PBX1: variants seen among roughly 807,000 people sequenced by gnomAD.
PBX1 encodes the protein PBX homeobox 1.
In PBX1, 6 loss-of-function variants were observed where a neutral mutation model predicts 53.4. That is an observed-to-expected ratio of 0.11 (90% CI 0.06 to 0.22). The LOEUF (loss-of-function observed/expected upper bound fraction) is 0.22. Among genes scored for constraint, PBX1 ranks in the 10% least tolerant of loss-of-function variants. PBX1 has a pLI of 1.00. For missense variants in PBX1, 251 were observed against 551.4 expected (o/e 0.46, Z 5.46); for synonymous variants, 204 against 212.3 (o/e 0.96, Z 0.34).
At chr1:164,802,870 A>ATT (rs80104203) in intron 4 of PBX1, among the ~76,000 whole-genome samples, 2 of 147,056 alleles carry the variant, frequency 1.4e-5, no homozygotes, top group South Asian at 2.2e-4. Flanking sequence ...TATAAATAAC[A>ATT]TTTTTTTTTT....
chr1:164,592,832 A>G (rs537434269), intron 2 of PBX1, among the ~76,000 whole-genome samples: 11 of 152,092 alleles, frequency 7.2e-5, no homozygotes, highest in Non-Finnish European at 1.6e-4. Context: ...GAGGATAAAG[A>G]CTGCCCCTGG....
chr1:164,881,791 G>T (rs1192388709), intron 2 of PBX1, among the ~76,000 whole-genome samples: 1 of 152,072 alleles, frequency 6.6e-6, no homozygotes, highest in Non-Finnish European at 1.5e-5. Flanking sequence ...GTTGAGATTT[G>T]GTCACATGGA....
At chr1:164,735,140 A>T (rs921110982) in intron 2 of PBX1, among the ~76,000 whole-genome samples, 2 of 152,208 alleles carry the variant, frequency 1.3e-5, no homozygotes, top group African/African-American at 2.4e-5. Flanking sequence ...TCATACTTTT[A>T]TCACCACAAT....
chr1:164,632,023 A>G (rs1658443460), intron 2 of PBX1, among the ~76,000 whole-genome samples: 1 of 152,172 alleles, frequency 6.6e-6, no homozygotes, highest in Non-Finnish European at 1.5e-5. Context: ...GCCACAAATC[A>G]CAGGCTGTTG....
At chr1:164,719,407 G>C (rs1664282722) in intron 2 of PBX1, among the ~76,000 whole-genome samples, 1 of 152,206 alleles carries the variant, frequency 6.6e-6, no homozygotes, top group African/African-American at 2.4e-5. Context: ...TGGACATCAG[G>C]AAGTGGTAGC....
chr1:164,662,945 G>T (rs565346354), intron 2 of PBX1, among the ~76,000 whole-genome samples: 1 of 152,080 alleles, frequency 6.6e-6, no homozygotes, highest in Admixed American at 6.5e-5. Context: ...TATTGTGAGG[G>T]TTATTATAAA....
chr1:164,712,279 C>T (rs1228057236), intron 2 of PBX1, among the ~76,000 whole-genome samples: 1 of 151,864 alleles, frequency 6.6e-6, no homozygotes, highest in Non-Finnish European at 1.5e-5. Context: ...AAGTGTCCGT[C>T]AGCGGCTATC....
Position 164,848,463 on chromosome 1 carries a change from T to A in PBX1, c.*1787T>A, listed in dbSNP as rs1671675665. ...GTAAATGCGAAGTCAGGGGAAGTAA[T>A]GTCCCTGAAATAAACGGGTTCATGC... On this transcript the variant is annotated 3_prime_UTR_variant, in exon 9 of 9. Coordinates refer to ENST00000420696, the MANE Select transcript of PBX1 (RefSeq NM_002585.4). The A allele has an allele frequency of 9.5e-7, 1 of 1,057,484 alleles. No individual in the cohort carries two copies. 65.5% of individuals were successfully genotyped at this position (1,057,484 alleles called of 1,614,324 possible). A position where few individuals can be genotyped will look rare whatever the true frequency, so the allele number is the denominator to read the frequency against.
intron 2 of PBX1, among the ~76,000 whole-genome samples, chr1:164,573,384 T>C (rs975628946): frequency 6.6e-6 from 1 of 152,016 alleles, no homozygotes; most frequent in East Asian, 1.9e-4. Flanking sequence ...TATTTCAATA[T>C]GTAATCAACA....
rs1287728400 is a variant in PBX1, at chr1:164,661,390, G to T, written c.265+98079G>T. Among the ~76,000 whole-genome samples, 3 of 151,290 alleles carry T rather than the reference G, an allele frequency of 2.0e-5. No homozygotes were observed. The East Asian group carries it at 5.8e-4, about 29-fold the overall frequency. On this transcript the variant is annotated intron_variant, in intron 2 of 8. Transcript: ENST00000420696. Reference sequence around the variant, plus strand: ...CCTCAGGGAAAGCCCTGATATTGTGGTCTAGGGATCACCAGCAATTTCACT... The same window carrying T: ...CCTCAGGGAAAGCCCTGATATTGTGTTCTAGGGATCACCAGCAATTTCACT...
chr1:164,681,767 TC>T (rs1335339072), intron 2 of PBX1, among the ~76,000 whole-genome samples: 1 of 151,960 alleles, frequency 6.6e-6, no homozygotes, highest in East Asian at 1.9e-4. Context: ...CATACACCCA[TC>T]CCCCATGACA....
chr1:164,779,765 T>C (rs6686727), intron 2 of PBX1, among the ~76,000 whole-genome samples: 82,818 of 151,832 alleles, frequency 0.55, 22,834 homozygotes, highest in South Asian at 0.61. Context: ...CAGAGTGGGG[T>C]TCAATGAAGT....
chr1:164,743,930 A>G (rs1172070736), intron 2 of PBX1, among the ~76,000 whole-genome samples: 1 of 152,202 alleles, frequency 6.6e-6, no homozygotes, highest in Admixed American at 6.5e-5. Flanking sequence ...AAGAAATGTA[A>G]TAATTTACCT....
At chr1:164,588,606 C>T (rs897572765) in intron 2 of PBX1, among the ~76,000 whole-genome samples, 1 of 151,042 alleles carries the variant, frequency 6.6e-6, no homozygotes, top group East Asian at 2.0e-4. Flanking sequence ...TTCCCCACCT[C>T]TGGTTCCTTC....
At chr1:164,771,957 T>C (rs1667395189) in intron 2 of PBX1, among the ~76,000 whole-genome samples, 1 of 152,102 alleles carries the variant, frequency 6.6e-6, no homozygotes, top group Non-Finnish European at 1.5e-5. Context: ...GAAACCGAGA[T>C]CTTTGTAAGG....
intron 2 of PBX1, among the ~76,000 whole-genome samples, chr1:164,721,397 A>T (rs1409873625): frequency 6.6e-6 from 1 of 151,314 alleles, no homozygotes; most frequent in African/African-American, 2.4e-5. Flanking sequence ...AATCTCGGTG[A>T]CACTCCATCT....
chr1:164,834,162 T>C (rs1670913025), intron 8 of PBX1, among the ~76,000 whole-genome samples: 1 of 151,624 alleles, frequency 6.6e-6, no homozygotes, highest in South Asian at 2.1e-4. Context: ...GCTTGATCCA[T>C]AATTCATTCA....
intron 2 of PBX1, 42 bp from the exon 3 acceptor site, chr1:164,792,452 T>G (rs1272621477): frequency 6.2e-7 from 1 of 1,608,848 alleles, no homozygotes; most frequent in Non-Finnish European, 8.5e-7. Context: ...ATTTTCTTTC[T>G]TGGGTTACTA....
At chr1:164,733,448 A>G (rs1665105938) in intron 2 of PBX1, among the ~76,000 whole-genome samples, 1 of 152,096 alleles carries the variant, frequency 6.6e-6, no homozygotes, top group Non-Finnish European at 1.5e-5. Context: ...GCACAGGAGG[A>G]TTTATCTGCT....
Sources: allele counts gnomAD v4.1 joint callset (sites outside exome capture counted in the v4.1 genomes callset), GRCh38; gene constraint gnomAD v4.1.1; transcripts MANE v1.5; gene names NCBI Gene and HGNC (gene_info 2026-07-23, HGNC 2026-07-21).